The following FRMD4A variants were observed in gnomAD, a reference collection of about 807,000 sequenced individuals.
The protein encoded by FRMD4A is FERM domain-containing protein 4A.
A neutral mutation model predicts 129.1 loss-of-function variants in FRMD4A; 29 were observed. The observed-to-expected ratio is 0.22, with a 90% CI of 0.17 to 0.31. The LOEUF (loss-of-function observed/expected upper bound fraction) is 0.31. FRMD4A is among the 10% of genes least tolerant of loss of function. The pLI is 1.00. For missense variants in FRMD4A, 1,272 were observed against 1,375.8 expected (o/e 0.92, Z 1.19); for synonymous variants, 634 against 571.6 (o/e 1.11, Z -1.56).
intron 2 of FRMD4A, among the ~76,000 whole-genome samples, chr10:14,328,358 G>A (rs1564468415): frequency 2.6e-5 from 2 of 76,534 alleles, no homozygotes; most frequent in African/African-American, 3.8e-5. Context: ...GAGCCTGTGT[G>A]TGTGTGTGGG....
chr10:14,084,335 C>T (rs1229500867), intron 2 of FRMD4A, among the ~76,000 whole-genome samples: 3 of 152,082 alleles, frequency 2.0e-5, no homozygotes, highest in Non-Finnish European at 4.4e-5. Context: ...TTAGTAGAGA[C>T]GGGGTTTCAC....
intron 2 of FRMD4A, among the ~76,000 whole-genome samples, chr10:14,059,898 T>C (rs566381099): frequency 2.2e-4 from 33 of 152,352 alleles, no homozygotes; most frequent in African/African-American, 7.5e-4. Context: ...TGAATGTATT[T>C]GATAATTACA....
At chr10:13,963,242 C>T (rs80112014) in intron 2 of FRMD4A, among the ~76,000 whole-genome samples, 6,226 of 141,534 alleles carry the variant, frequency 0.044, 175 homozygotes, top group Non-Finnish European at 0.06. Context: ...AATGAATTTA[C>T]TAATTGTTCT....
At chr10:14,212,396 G>A (rs1010085214) in intron 2 of FRMD4A, among the ~76,000 whole-genome samples, 17 of 152,118 alleles carry the variant, frequency 1.1e-4, no homozygotes, top group African/African-American at 3.1e-4. Context: ...CCTTGTCAGA[G>A]GACAAAGGCG....
At chr10:14,304,733 G>A (rs960146565) in intron 2 of FRMD4A, among the ~76,000 whole-genome samples, 1 of 152,164 alleles carries the variant, frequency 6.6e-6, no homozygotes, top group African/African-American at 2.4e-5. Context: ...CTGGGGCCAG[G>A]CAGTGGGAGA....
chr10:13,836,999 T>TTTGAG (rs2093886698), intron 3 of FRMD4A, among the ~76,000 whole-genome samples: 4 of 151,996 alleles, frequency 2.6e-5, no homozygotes, highest in Non-Finnish European at 5.9e-5. Flanking sequence ...CCTCATGATC[T>TTTGAG]GCCTGCCTCA....
At chr10:13,791,548 C>T (rs762210142) in intron 5 of FRMD4A, among the ~76,000 whole-genome samples, 3 of 152,038 alleles carry the variant, frequency 2.0e-5, no homozygotes, top group Non-Finnish European at 4.4e-5. Flanking sequence ...AATGGATTTG[C>T]ACTGAATTGG....
At chr10:14,139,043 G>A (rs1839697361) in intron 2 of FRMD4A, among the ~76,000 whole-genome samples, 1 of 152,214 alleles carries the variant, frequency 6.6e-6, no homozygotes, top group Non-Finnish European at 1.5e-5. Flanking sequence ...CTAATGCAAT[G>A]AGTAGCATTC....
chr10:14,068,924 CTCTT>C (rs1030339816), intron 2 of FRMD4A, among the ~76,000 whole-genome samples: 2 of 149,350 alleles, frequency 1.3e-5, no homozygotes. Flanking sequence ...CCCTCTCCCT[CTCTT>C]TCTCTCTCTT....
intron 11 of FRMD4A, 100 bp downstream of exon 11, chr10:13,740,094 A>C: frequency 1.3e-6 from 1 of 785,854 alleles, no homozygotes; most frequent in South Asian, 1.5e-5. Flanking sequence ...GCAAGACTCT[A>C]TCTCAAAAGA....
rs1180028259 is a variant in FRMD4A at position 14,150,395 on chromosome 10, C to T, written c.45+179663G>A. ...CAGAGGATAATTAGATCGTTATTTC[C>T]ATTTATAATGCAAAGCTGAAATAGA... On this transcript the variant is annotated intron_variant, in intron 2 of 24. Coordinates refer to ENST00000357447, the MANE Select transcript of FRMD4A (RefSeq NM_018027.5). Among the ~76,000 whole-genome samples, 3 of 152,110 alleles carry T rather than the reference C, an allele frequency of 2.0e-5. 1 individual carries two copies. Among genetic ancestry groups the T allele is most frequent in the Admixed American group, 2.0e-4 (3 of 15,274 alleles).
chr10:14,121,531 G>A (rs896897057), intron 2 of FRMD4A, among the ~76,000 whole-genome samples: 2 of 152,190 alleles, frequency 1.3e-5, no homozygotes, highest in Non-Finnish European at 2.9e-5. Flanking sequence ...GTTTAAAAGA[G>A]GGGCTATCAG....
intron 2 of FRMD4A, among the ~76,000 whole-genome samples, chr10:13,884,717 T>A (rs2094598185): frequency 6.6e-6 from 1 of 152,162 alleles, no homozygotes; most frequent in African/African-American, 2.4e-5. Context: ...CCCTAATTCC[T>A]TTTCACAGCT....
At chr10:14,059,369 C>T (rs898368459) in intron 2 of FRMD4A, among the ~76,000 whole-genome samples, 3 of 152,130 alleles carry the variant, frequency 2.0e-5, no homozygotes, top group Non-Finnish European at 2.9e-5. Flanking sequence ...GAGGGTGCCT[C>T]TAAGGATGTA....
At chr10:13,680,439 A>G (rs887482471) in intron 15 of FRMD4A, among the ~76,000 whole-genome samples, 4 of 152,154 alleles carry the variant, frequency 2.6e-5, no homozygotes, top group Admixed American at 1.3e-4. Context: ...GAAATTAAAA[A>G]AAAAAGGGCT....
intron 2 of FRMD4A, among the ~76,000 whole-genome samples, chr10:14,058,275 T>G (rs1226623080): frequency 6.6e-6 from 1 of 152,236 alleles, no homozygotes; most frequent in African/African-American, 2.4e-5. Flanking sequence ...ATCTGAAGTT[T>G]GAGTTACACA....
At chr10:14,030,970 A>C (rs1215654785) in intron 2 of FRMD4A, among the ~76,000 whole-genome samples, 1 of 152,106 alleles carries the variant, frequency 6.6e-6, no homozygotes, top group Non-Finnish European at 1.5e-5. Context: ...GACTTTCAAA[A>C]CTCAGAAGCA....
chr10:14,041,307 A>G (rs1381195246), intron 2 of FRMD4A, among the ~76,000 whole-genome samples: 2 of 152,178 alleles, frequency 1.3e-5, no homozygotes, highest in Non-Finnish European at 2.9e-5. Context: ...TCTTTTTTCA[A>G]AAGGCGTTTC....
intron 2 of FRMD4A, among the ~76,000 whole-genome samples, chr10:14,040,757 C>A (rs2131674249): frequency 6.6e-6 from 1 of 152,308 alleles, no homozygotes; most frequent in East Asian, 1.9e-4. Flanking sequence ...TCCCTCTCTG[C>A]AAATGTGTTC....
Sources: gnomAD v4.1 joint callset for allele counts (sites outside exome capture counted in the v4.1 genomes callset) on GRCh38, gnomAD v4.1.1 for gene constraint, MANE v1.5 for transcripts, NCBI Gene and HGNC (gene_info 2026-07-23, HGNC 2026-07-21) for gene names.